KIAA0825: variants seen among roughly 807,000 people sequenced by gnomAD.
KIAA0825 encodes KIAA0825, also known as uncharacterized protein KIAA0825.
In KIAA0825, 119 loss-of-function variants were observed where a neutral mutation model predicts 147.6. The ratio of observed to expected loss-of-function variants is 0.81; its 90% CI spans 0.69 to 0.94. The LOEUF is 0.94. KIAA0825 is among the 40% of genes least tolerant of loss of function. KIAA0825 has a pLI of 0.00. For missense variants in KIAA0825, 1,381 were observed against 1,472.7 expected (o/e 0.94, Z 1.02); for synonymous variants, 470 against 518.1 (o/e 0.91, Z 1.26).
chr5:94,239,963 C>T (rs940009144), intron 20 of KIAA0825, among the ~76,000 whole-genome samples: 8 of 152,142 alleles, frequency 5.3e-5, no homozygotes, highest in Non-Finnish European at 8.8e-5. Flanking sequence ...GGATAATTTA[C>T]GCTTGCAATG....
intron 20 of KIAA0825, among the ~76,000 whole-genome samples, chr5:94,282,957 AAGTT>A (rs1429405070): frequency 2.0e-5 from 3 of 152,112 alleles, no homozygotes; most frequent in South Asian, 2.1e-4. Flanking sequence ...CAAAATGAAG[AAGTT>A]AGCACCTAAA....
intron 20 of KIAA0825, among the ~76,000 whole-genome samples, chr5:94,211,894 G>T (rs1772743793): frequency 6.6e-6 from 1 of 152,074 alleles, no homozygotes. Flanking sequence ...ATACGTACAT[G>T]AATACAAATT....
intron 20 of KIAA0825, among the ~76,000 whole-genome samples, chr5:94,257,243 C>T (rs745870543): frequency 2.4e-4 from 37 of 151,992 alleles, no homozygotes; most frequent in Non-Finnish European, 4.4e-4. Flanking sequence ...CTCTTGGGGT[C>T]GTTTCTAGGT....
At chr5:94,441,359 T>A (rs1393870428) in intron 13 of KIAA0825, among the ~76,000 whole-genome samples, 2 of 152,286 alleles carry the variant, frequency 1.3e-5, no homozygotes. Context: ...TTGATGCATG[T>A]AGGCAGTGCT....
intron 20 of KIAA0825, among the ~76,000 whole-genome samples, chr5:94,170,066 G>A (rs115699449): frequency 0.03 from 4,567 of 152,202 alleles, 211 homozygotes; most frequent in African/African-American, 0.1. Flanking sequence ...TTGGGAGGTC[G>A]AGGCGGGCAG....
intron 20 of KIAA0825, among the ~76,000 whole-genome samples, chr5:94,187,836 A>G (rs1302799968): frequency 1.3e-5 from 2 of 152,232 alleles, no homozygotes; most frequent in Non-Finnish European, 2.9e-5. Context: ...TCTTAAGTTA[A>G]CACAACAGCC....
intron 1 of KIAA0825, among the ~76,000 whole-genome samples, chr5:94,604,348 T>C (rs1339638424): frequency 2.0e-5 from 3 of 152,052 alleles, no homozygotes; most frequent in Non-Finnish European, 4.4e-5. Context: ...GGTCAGGAAT[T>C]GAGAGTTTGA....
intron 20 of KIAA0825, among the ~76,000 whole-genome samples, chr5:94,375,891 T>C (rs1192773767): frequency 1.3e-5 from 2 of 152,204 alleles, no homozygotes; most frequent in African/African-American, 4.8e-5. Context: ...TACTTTATTC[T>C]AAATAAATGC....
Position 94,537,055 on chromosome 5 carries a change from G to T in KIAA0825, c.72C>A (p.Asp24Glu). The T allele has an allele frequency of 6.2e-7, 1 of 1,605,570 alleles. No individual in the cohort carries two copies. Among genetic ancestry groups the T allele is most frequent in the Non-Finnish European group, 8.5e-7 (1 of 1,172,620 alleles). The change falls in exon 3 of 21, where the codon GAC becomes GAA. Residue 24 changes from aspartate to glutamate, a missense_variant. Physicochemically the swap from Asp to Glu is conservative, Grantham distance 45. Transcript: ENST00000682413. ...LHCLLNSFPG[D>E]LEFEQIFSDI... is the part of the protein sequence containing the mutation. ...CACTGAAGATCTGCTCAAACTCCAA[G>T]TCTCCAGGAAATGAGTTTAACAAAC...
chr5:94,378,574 C>T lies in KIAA0825; in HGVS notation c.3710+5794G>A, dbSNP rs116490829. Among the ~76,000 whole-genome samples, 162 of 152,264 alleles carry T rather than the reference C, an allele frequency of 1.1e-3. 2 individuals are homozygous for T. Among genetic ancestry groups the T allele is most frequent in the Middle Eastern group, 6.8e-3 (2 of 294 alleles). On this transcript the variant is annotated intron_variant, in intron 20 of 20. Transcript: ENST00000682413. The stretch of plus-strand genomic sequence containing the variant: ...TAGTGCTGCAATGAAGATACACGTG[C>T]ATATGTCTTTATTGTAGAATGATTT...
chr5:94,286,970 G>A (rs544570790), intron 20 of KIAA0825, among the ~76,000 whole-genome samples: 1 of 152,192 alleles, frequency 6.6e-6, no homozygotes, highest in South Asian at 2.1e-4. Flanking sequence ...CAGAGTTCAG[G>A]TGTTCTTTTG....
At chr5:94,171,386 CG>C (rs2149949925) in intron 20 of KIAA0825, among the ~76,000 whole-genome samples, 2 of 152,216 alleles carry the variant, frequency 1.3e-5, no homozygotes, top group South Asian at 4.1e-4. Context: ...TTCCCAGTCT[CG>C]GGTATGTCTT....
intron 7 of KIAA0825, among the ~76,000 whole-genome samples, chr5:94,473,769 CT>C (rs1422224413): frequency 6.6e-6 from 1 of 152,036 alleles, no homozygotes; most frequent in East Asian, 1.9e-4. Context: ...TAATAAAAAA[CT>C]TTTTAAAAAA....
At chr5:94,326,997 TC>T (rs1007119490) in intron 20 of KIAA0825, among the ~76,000 whole-genome samples, 6 of 152,150 alleles carry the variant, frequency 3.9e-5, no homozygotes, top group African/African-American at 1.4e-4. Context: ...GATCACATGT[TC>T]CCACACATTT....
At chr5:94,326,738 T>C (rs1001887345) in intron 20 of KIAA0825, among the ~76,000 whole-genome samples, 1 of 152,208 alleles carries the variant, frequency 6.6e-6, no homozygotes, top group South Asian at 2.1e-4. Flanking sequence ...CTTTGCGACA[T>C]CTGGCGGTCC....
chr5:94,574,396 T>G (rs1367457146), intron 2 of KIAA0825, among the ~76,000 whole-genome samples: 1 of 151,400 alleles, frequency 6.6e-6, no homozygotes, highest in Non-Finnish European at 1.5e-5. Flanking sequence ...TATAAAAAAT[T>G]AGTCGGGTGT....
At chr5:94,320,668 T>C (rs1001383560) in intron 20 of KIAA0825, among the ~76,000 whole-genome samples, 2 of 152,018 alleles carry the variant, frequency 1.3e-5, no homozygotes, top group Non-Finnish European at 2.9e-5. Flanking sequence ...TCTACCCCTC[T>C]ACAGCCTAAA....
intron 16 of KIAA0825, among the ~76,000 whole-genome samples, chr5:94,403,071 C>T (rs2150622496): frequency 6.6e-6 from 1 of 152,138 alleles, no homozygotes; most frequent in South Asian, 2.1e-4. Context: ...GGAAAAAATA[C>T]CCTGTCAGAA....
intron 2 of KIAA0825, chr5:94,569,764 T>G (rs2152321622): frequency 4.0e-6 from 1 of 251,550 alleles, no homozygotes. Flanking sequence ...ACGTAAACCA[T>G]GGCTGAATCA....
Sources: allele counts gnomAD v4.1 joint callset (sites outside exome capture counted in the v4.1 genomes callset), GRCh38; gene constraint gnomAD v4.1.1; transcripts MANE v1.5; gene names NCBI Gene and HGNC (gene_info 2026-07-23, HGNC 2026-07-21).